The following ABCB4 variants were observed in gnomAD, a reference collection of about 807,000 sequenced individuals.
ABCB4 encodes the protein ATP binding cassette subfamily B member 4, also known as phosphatidylcholine translocator ABCB4.
ABCB4 carries 76 observed loss-of-function variants against 145.7 expected under a neutral mutation model. The ratio of observed to expected loss-of-function variants is 0.52; its 90% CI spans 0.43 to 0.63. The LOEUF (loss-of-function observed/expected upper bound fraction) is 0.63, where lower values mean the gene tolerates loss of function less well. ABCB4 is among the 30% of genes least tolerant of loss of function. The pLI is 0.00. For missense variants in ABCB4, 1,234 were observed against 1,553.1 expected, an observed-to-expected ratio of 0.79 and a Z score of 3.45; for synonymous variants, 517 against 566.8, an observed-to-expected ratio of 0.91 and a Z score of 1.25.
At chr7:87,430,933 C>A (rs1243903615) in intron 15 of ABCB4, among the ~76,000 whole-genome samples, 1 of 152,150 alleles carries the variant, frequency 6.6e-6, no homozygotes, top group East Asian at 1.9e-4. Flanking sequence ...CATGAGACCT[C>A]CCTCAACCAC....
intron 9 of ABCB4, among the ~76,000 whole-genome samples, chr7:87,445,480 T>C (rs1811283882): frequency 6.6e-6 from 1 of 152,190 alleles, no homozygotes; most frequent in Non-Finnish European, 1.5e-5. Flanking sequence ...AGCAATTCCT[T>C]TACACAGTTA....
At chr7:87,439,961 TGATAA>T in intron 13 of ABCB4, 124 bp from the exon 14 acceptor site, 2 of 1,365,862 alleles carry the variant, frequency 1.5e-6, no homozygotes, top group Non-Finnish European at 2.0e-6. Context: ...TCATAAAGTA[TGATAA>T]GATAAATGAA....
chr7:87,475,624 CCT>C lies in ABCB4; in HGVS notation c.-7+8_-7+9del, dbSNP rs1813759703. On this transcript the variant is annotated splice_region_variant and intron_variant, in intron 1 of 27. Transcript: ENST00000649586. Reference sequence around the variant, plus strand: ...CCCTTCGAGGCCAGACGCGCCCGGACCTCTCTCACCTCGAACCTCGCGCGTGT... The same window carrying C: ...CCCTTCGAGGCCAGACGCGCCCGGACCTCTCACCTCGAACCTCGCGCGTGT... 4.2e-6 allele frequency: 3 copies of C among 715,538 alleles called. No homozygotes were observed. The Admixed American group carries it at 6.5e-5, about 16-fold the overall frequency. 44.3% of individuals were successfully genotyped at this position (715,538 alleles called of 1,614,324 possible).
At chr7:87,452,810 C>G in intron 6 of ABCB4, 134 bp downstream of exon 6, 2 of 1,037,310 alleles carry the variant, frequency 1.9e-6, no homozygotes, top group South Asian at 2.9e-5. Flanking sequence ...CTAGACATGG[C>G]TGCCAGATGA....
the ABCB4 span, among the ~76,000 whole-genome samples, chr7:87,388,758 AAGCCAAAATTGACAAATGGG>A: frequency 2.0e-5 from 3 of 152,250 alleles, no homozygotes; most frequent in Non-Finnish European, 4.4e-5. Context: ...ATGGCAACAA[AAGCCAAAATTGACAAATGGG>A]ATCTAATTAA....
intron 25 of ABCB4, among the ~76,000 whole-genome samples, chr7:87,407,056 T>C (rs916901006): frequency 6.6e-6 from 1 of 152,184 alleles, no homozygotes; most frequent in Non-Finnish European, 1.5e-5. Flanking sequence ...GGGCAGTGTC[T>C]TTGGGAGGAT....
chr7:87,393,202 A>G, the ABCB4 span: 1 of 995,244 alleles, frequency 1.0e-6, no homozygotes. Flanking sequence ...ATTTTTTTCC[A>G]CTTAGGCATT....
At chr7:87,421,975 T>C (rs1244913674) in intron 18 of ABCB4, 146 bp downstream of exon 18, 1 of 656,456 alleles carries the variant, frequency 1.5e-6, no homozygotes, top group Non-Finnish European at 2.7e-6. Context: ...TTCCCCCTGA[T>C]AAGGAGTCTA....
chr7:87,401,721 C>A lies in ABCB4; in HGVS notation c.*375G>T, dbSNP rs565164397. ...TGAGGCTATTGAACAATTTATTTTTCTTTTGTACTTGGGAAAATTATTCCC... is the reference window on the plus strand; with the variant it reads ...TGAGGCTATTGAACAATTTATTTTTATTTTGTACTTGGGAAAATTATTCCC... On this transcript the variant is annotated 3_prime_UTR_variant, in exon 28 of 28. Transcript: ENST00000649586. 30 of 306,268 alleles carry A rather than the reference C, an allele frequency of 9.8e-5. No individual in the cohort carries two copies. Among genetic ancestry groups the A allele is most frequent in the South Asian group, 9.2e-4 (30 of 32,700 alleles). 19.0% of individuals were successfully genotyped at this position (306,268 alleles called of 1,614,324 possible).
In ABCB4 at chr7:87,454,582, G is replaced by C; in HGVS notation, c.297C>G (p.Ser99=). The change falls in exon 5 of 28, where the codon TCC becomes TCG. Residue 99 remains serine, a synonymous_variant. Coordinates refer to ENST00000649586, the MANE Select transcript of ABCB4 (RefSeq NM_000443.4). ...TTTTGCCTGGATTTAGCAGCGACAA[G>C]GAAAAGTTCACTAAATTAAAAAATA... The part of the protein sequence containing the change: ...AGNFSFPVNF[S]LSLLNPGKIL... The C allele has an allele frequency of 6.2e-7, 1 of 1,609,994 alleles. No individual in the cohort carries two copies. Among genetic ancestry groups the C allele is most frequent in the Non-Finnish European group, 8.5e-7 (1 of 1,177,418 alleles).
chr7:87,409,085 A>G, intron 24 of ABCB4, 151 bp downstream of exon 24: 1 of 929,010 alleles, frequency 1.1e-6, no homozygotes, highest in East Asian at 2.7e-5. Context: ...ATGTCAGTCA[A>G]GTTGCCCAAA....
At chr7:87,398,414 G>T, downstream of ABCB4, 1 of 1,332,798 alleles carries the variant, frequency 7.5e-7, no homozygotes, top group South Asian at 1.2e-5. Flanking sequence ...ATGTCAGCAA[G>T]ACTTCACATT....
chr7:87,465,758 G>C (rs1017625338), intron 3 of ABCB4, among the ~76,000 whole-genome samples: 113 of 152,308 alleles, frequency 7.4e-4, no homozygotes, highest in African/African-American at 2.5e-3. Context: ...TCGCTGTTCT[G>C]CAGCCTCCGC....
intron 27 of ABCB4, 66 bp downstream of exon 27, chr7:87,403,069 G>T: frequency 6.4e-7 from 1 of 1,552,172 alleles, no homozygotes; most frequent in Non-Finnish European, 8.9e-7. Flanking sequence ...TTTTTTTCAT[G>T]GTTGACAGCA....
At chr7:87,427,528 C>G (rs772762734) in intron 15 of ABCB4, among the ~76,000 whole-genome samples, 5 of 152,148 alleles carry the variant, frequency 3.3e-5, no homozygotes, top group Non-Finnish European at 7.4e-5. Context: ...AGTTCACTGC[C>G]TAGTAAGGGT....
intron 4 of ABCB4, among the ~76,000 whole-genome samples, chr7:87,456,608 G>T (rs554662632): frequency 1.3e-5 from 2 of 152,288 alleles, no homozygotes; most frequent in African/African-American, 4.8e-5. Context: ...ACAGCCTGCT[G>T]AACCATGAGC....
At chr7:87,435,719 A>C (rs923350753) in intron 14 of ABCB4, among the ~76,000 whole-genome samples, 2 of 152,158 alleles carry the variant, frequency 1.3e-5, no homozygotes, top group African/African-American at 4.8e-5. Flanking sequence ...CCAACCCACA[A>C]ATTTGTGGGC....
At chr7:87,469,514 T>G (rs1813202215) in intron 3 of ABCB4, among the ~76,000 whole-genome samples, 1 of 152,206 alleles carries the variant, frequency 6.6e-6, no homozygotes, top group African/African-American at 2.4e-5. Context: ...GATAAGCAAC[T>G]TCAGCAAAGT....
intron 21 of ABCB4, among the ~76,000 whole-genome samples, chr7:87,416,061 G>C (rs1808950204): frequency 6.6e-6 from 1 of 152,128 alleles, no homozygotes; most frequent in South Asian, 2.1e-4. Flanking sequence ...TAGACACCCA[G>C]GGGTTCCCAA....
Sources: gnomAD v4.1 joint callset for allele counts (sites outside exome capture counted in the v4.1 genomes callset) on GRCh38, gnomAD v4.1.1 for gene constraint, MANE v1.5 for transcripts, NCBI Gene and HGNC (gene_info 2026-07-23, HGNC 2026-07-21) for gene names.